Variants in KCNB2 observed in about 807,000 individuals in gnomAD.
KCNB2 encodes the protein delayed rectifier potassium channel protein.
A neutral mutation model predicts 61.5 loss-of-function variants in KCNB2; 15 were observed. That is an observed-to-expected ratio of 0.24 (90% CI 0.16 to 0.38). The LOEUF (loss-of-function observed/expected upper bound fraction) is 0.38, where lower values mean the gene tolerates loss of function less well. Among genes scored for constraint, KCNB2 ranks in the 10% least tolerant of loss-of-function variants. The pLI, the probability that KCNB2 is intolerant of heterozygous loss-of-function variation, is 1.00. For synonymous variants in KCNB2, 457 were observed against 446.0 expected, an observed-to-expected ratio of 1.02 and a Z score of -0.31; for missense variants, 828 against 1,125.2, an observed-to-expected ratio of 0.74 and a Z score of 3.78.
intron 2 of KCNB2, among the ~76,000 whole-genome samples, chr8:72,824,596 C>T (rs1056847238): frequency 4.6e-5 from 7 of 152,174 alleles, no homozygotes; most frequent in South Asian, 2.1e-4. Flanking sequence ...CCTCATCTCC[C>T]GAAACTGCAA....
intron 2 of KCNB2, among the ~76,000 whole-genome samples, chr8:72,727,855 A>G (rs1410681428): frequency 6.6e-6 from 1 of 152,230 alleles, no homozygotes; most frequent in Non-Finnish European, 1.5e-5. Flanking sequence ...CTGATTACAG[A>G]TTCTTTAGCT....
chr8:72,560,276 C>T (rs16938239), intron 1 of KCNB2, among the ~76,000 whole-genome samples: 5,105 of 152,236 alleles, frequency 0.034, 126 homozygotes, highest in South Asian at 0.091. Flanking sequence ...TTGTTCAAAT[C>T]CTATCCAAAT....
intron 2 of KCNB2, among the ~76,000 whole-genome samples, chr8:72,921,268 T>C (rs1206495677): frequency 6.6e-6 from 1 of 152,162 alleles, no homozygotes; most frequent in East Asian, 1.9e-4. Flanking sequence ...TCTATTCTAC[T>C]CTCATCTGTT....
At chr8:72,749,856 TA>T (rs1280145109) in intron 2 of KCNB2, among the ~76,000 whole-genome samples, 2 of 147,358 alleles carry the variant, frequency 1.4e-5, no homozygotes, top group Non-Finnish European at 3.0e-5. Context: ...ATATTATATA[TA>T]TTTTTATATA....
intron 2 of KCNB2, among the ~76,000 whole-genome samples, chr8:72,635,485 T>C (rs764816824): frequency 6.6e-6 from 1 of 152,180 alleles, no homozygotes; most frequent in Non-Finnish European, 1.5e-5. Context: ...GAACTCCATG[T>C]GATTCTGCTG....
intron 2 of KCNB2, among the ~76,000 whole-genome samples, chr8:72,808,832 T>C (rs1368661607): frequency 6.6e-6 from 1 of 152,170 alleles, no homozygotes; most frequent in Non-Finnish European, 1.5e-5. Flanking sequence ...CATCAAATCT[T>C]TTACACACCC....
chr8:72,611,568 A>C (rs1366677423), intron 2 of KCNB2, among the ~76,000 whole-genome samples: 2 of 152,216 alleles, frequency 1.3e-5, no homozygotes, highest in Admixed American at 6.6e-5. Context: ...CCTTGCCATG[A>C]GGACTGCCCA....
chr8:72,659,010 C>A (rs748460313), intron 2 of KCNB2, among the ~76,000 whole-genome samples: 8 of 152,074 alleles, frequency 5.3e-5, no homozygotes, highest in Non-Finnish European at 1.0e-4. Context: ...CAATTTTCAG[C>A]CCATGGATTA....
At chr8:72,782,522 A>C (rs1489171578) in intron 2 of KCNB2, among the ~76,000 whole-genome samples, 2 of 152,088 alleles carry the variant, frequency 1.3e-5, no homozygotes, top group Admixed American at 1.3e-4. Context: ...TTGACACAAC[A>C]ACAGTGTTCA....
chr8:72,854,050 C>T (rs985567722), intron 2 of KCNB2, among the ~76,000 whole-genome samples: 1 of 152,060 alleles, frequency 6.6e-6, no homozygotes, highest in Non-Finnish European at 1.5e-5. Context: ...AAATTAGAAC[C>T]ATTTAGGGCT....
chr8:72,538,279 G>A (rs1585739567), intron 1 of KCNB2, among the ~76,000 whole-genome samples: 1 of 152,168 alleles, frequency 6.6e-6, no homozygotes, highest in East Asian at 1.9e-4. Flanking sequence ...AGACATGCGT[G>A]CATTTTATTC....
intron 1 of KCNB2, among the ~76,000 whole-genome samples, chr8:72,563,857 A>G (rs891192871): frequency 6.6e-6 from 1 of 152,218 alleles, no homozygotes; most frequent in African/African-American, 2.4e-5. Context: ...TGCACTCTTT[A>G]TCAGGTAACA....
chr8:72,818,464 C>T (rs1207524254), intron 2 of KCNB2, among the ~76,000 whole-genome samples: 1 of 152,126 alleles, frequency 6.6e-6, no homozygotes, highest in African/African-American at 2.4e-5. Flanking sequence ...ACTTTAACTT[C>T]CTAGGGCTCC....
intron 2 of KCNB2, among the ~76,000 whole-genome samples, chr8:72,741,542 G>A (rs1396971699): frequency 6.6e-6 from 1 of 152,120 alleles, no homozygotes; most frequent in East Asian, 1.9e-4. Flanking sequence ...ACTGCACACA[G>A]TGTGTAGTCT....
intron 2 of KCNB2, among the ~76,000 whole-genome samples, chr8:72,855,296 C>A (rs185748054): frequency 6.6e-6 from 1 of 152,188 alleles, no homozygotes; most frequent in African/African-American, 2.4e-5. Flanking sequence ...TTCAAGACTG[C>A]ACTCTCTTCA....
At chr8:72,629,089 G>A (rs1037957798) in intron 2 of KCNB2, among the ~76,000 whole-genome samples, 3 of 152,190 alleles carry the variant, frequency 2.0e-5, no homozygotes, top group Non-Finnish European at 1.5e-5. Context: ...GACATTTGAA[G>A]CATTCGTGTC....
intron 2 of KCNB2, among the ~76,000 whole-genome samples, chr8:72,579,872 A>G (rs1416016068): frequency 6.6e-6 from 1 of 152,164 alleles, no homozygotes; most frequent in Non-Finnish European, 1.5e-5. Flanking sequence ...CTTCCTTCCC[A>G]GCCTGGGGGA....
intron 2 of KCNB2, among the ~76,000 whole-genome samples, chr8:72,766,907 A>G (rs1283275775): frequency 6.6e-6 from 1 of 152,210 alleles, no homozygotes; most frequent in East Asian, 1.9e-4. Flanking sequence ...ACAGTTCCGC[A>G]TGACTAGGGA....
At chr8:72,712,210 A>G (rs1436804176) in intron 2 of KCNB2, among the ~76,000 whole-genome samples, 1 of 152,186 alleles carries the variant, frequency 6.6e-6, no homozygotes, top group African/African-American at 2.4e-5. Context: ...CAATGAGGTG[A>G]TAGGAAGAGA....
Sources: gnomAD v4.1 joint callset for allele counts (sites outside exome capture counted in the v4.1 genomes callset) on GRCh38, gnomAD v4.1.1 for gene constraint, MANE v1.5 for transcripts, NCBI Gene and HGNC (gene_info 2026-07-23, HGNC 2026-07-21) for gene names.